The following TIMM13 variants were observed in gnomAD, a reference collection of about 807,000 sequenced individuals.
TIMM13 encodes translocase of inner mitochondrial membrane 13.
Under a neutral mutation model 10.9 loss-of-function variants are expected in TIMM13, and 8 were observed. The ratio of observed to expected loss-of-function variants is 0.73; its 90% confidence interval spans 0.43 to 1.32. The LOEUF (loss-of-function observed/expected upper bound fraction) is 1.32, where lower values mean the gene tolerates loss of function less well. TIMM13 is among the 40% of genes most tolerant of loss of function. The probability of loss-of-function intolerance (pLI) is 0.01; values close to 1 mark genes in which losing one functional copy is unlikely to be tolerated. For synonymous variants in TIMM13, 68 were observed against 52.5 expected, an observed-to-expected ratio of 1.30 and a Z score of -1.28; for missense variants, 147 against 132.8, an observed-to-expected ratio of 1.11 and a Z score of -0.53.
At position 2,426,882 on chromosome 19, in the gene TIMM13, T is replaced by A. The variant is rs996892122; in HGVS notation, c.*66A>T. On this transcript the variant is annotated 3_prime_UTR_variant, in exon 3 of 3. Transcript: ENST00000215570. ...AAGCCCCGGGCAGGCAGTACGTACA[T>A]GCGGACCCCGCCTCTCAAAGCACGT... 3.3e-6 allele frequency: 5 copies of A among 1,494,070 alleles called. No individual in the cohort carries two copies. The African/African-American group carries it at 5.6e-5, about 17-fold the overall frequency. 92.6% of individuals were successfully genotyped at this position (1,494,070 alleles called of 1,614,324 possible). A position where few individuals can be genotyped will look rare whatever the true frequency, so the allele number is the denominator to read the frequency against.
At chr19:2,427,142 G>A (rs1429788021) in intron 2 of TIMM13, 96 bp from the exon 3 acceptor site, 5 of 1,563,668 alleles carry the variant, frequency 3.2e-6, no homozygotes, top group South Asian at 1.1e-5. Context: ...TGCAGACTAC[G>A]CACGTGCAGT....
rs867323196 is a variant in TIMM13 at position 2,425,894 on chromosome 19, G to A, written c.*1054C>T. The A allele has an allele frequency of 6.4e-7, 1 of 1,558,320 alleles. No individual in the cohort carries two copies. Among genetic ancestry groups the A allele is most frequent in the Non-Finnish European group, 8.6e-7 (1 of 1,159,080 alleles). On this transcript the variant is annotated 3_prime_UTR_variant, in exon 3 of 3. Transcript: ENST00000215570. ...AAGGGCTGCTGTAGGGGAGGTACCG[G>A]CCTCTGAACCCCCTTTCTTCTCTCC... is the stretch of plus-strand genomic sequence containing the variant.
At position 2,427,542 on chromosome 19, in the gene TIMM13, A is replaced by C. The variant is rs1279688663; in HGVS notation, c.-9T>G. ...CCGAAGCCGCCCTCCATGGCTCCGCAAAGTCAACCGGACCGAGGCCGCGTG... is the reference window on the plus strand; with the variant it reads ...CCGAAGCCGCCCTCCATGGCTCCGCCAAGTCAACCGGACCGAGGCCGCGTG... On this transcript the variant is annotated 5_prime_UTR_variant, in exon 1 of 3. Coordinates refer to ENST00000215570, the MANE Select transcript of TIMM13 (RefSeq NM_012458.4). The C allele has an allele frequency of 1.9e-6, 3 of 1,597,374 alleles. No homozygotes were observed. Among genetic ancestry groups the C allele is most frequent in the Non-Finnish European group, 1.7e-6 (2 of 1,172,926 alleles).
rs1971613319 is a variant in TIMM13, at chr19:2,425,902, A to ACC, written c.*1044_*1045dup. 6.4e-7 allele frequency: 1 copy of ACC among 1,564,664 alleles called. No homozygotes were observed. The highest frequency in any genetic ancestry group is 2.1e-5 in the Admixed American group (1 of 48,070). ...CTGTAGGGGAGGTACCGGCCTCTGA[A>ACC]CCCCCTTTCTTCTCTCCCCAACAGG... On this transcript the variant is annotated 3_prime_UTR_variant, in exon 3 of 3. Coordinates refer to ENST00000215570, the MANE Select transcript of TIMM13 (RefSeq NM_012458.4).
In TIMM13 at chr19:2,425,939, G is replaced by A. The variant is rs1324063669; in HGVS notation, c.*1009C>T. On this transcript the variant is annotated 3_prime_UTR_variant, in exon 3 of 3. Transcript: ENST00000215570. Reference sequence around the variant, plus strand: ...CTCTCCCCAACAGGGTGACGCTGGGGGACCCCTGGCCTGCAGGGAGCCCTC... The same window carrying A: ...CTCTCCCCAACAGGGTGACGCTGGGAGACCCCTGGCCTGCAGGGAGCCCTC... The A allele has an allele frequency of 1.3e-6, 2 of 1,596,658 alleles. No individual in the cohort carries two copies. Among genetic ancestry groups the A allele is most frequent in the Non-Finnish European group, 1.7e-6 (2 of 1,174,480 alleles).
chr19:2,426,317 C>G lies in TIMM13; in HGVS notation c.*631G>C, dbSNP rs755071832. The G allele has an allele frequency of 6.8e-5, 35 of 517,148 alleles. No individual in the cohort carries two copies. Among genetic ancestry groups the G allele is most frequent in the Non-Finnish European group, 1.1e-4 (32 of 299,970 alleles). 32.0% of individuals were successfully genotyped at this position (517,148 alleles called of 1,614,324 possible). ...CGAGGACCACCTGCCTGGTGCTCCA[C>G]CAGGACCCGGGGTGGAACGAAGCAG... On this transcript the variant is annotated 3_prime_UTR_variant, in exon 3 of 3. Coordinates refer to ENST00000215570, the MANE Select transcript of TIMM13 (RefSeq NM_012458.4).
At position 2,427,575 on chromosome 19, in the gene TIMM13, T is replaced by C. The variant is rs1284341747; in HGVS notation, c.-42A>G. 2.6e-6 allele frequency: 4 copies of C among 1,559,286 alleles called. No individual in the cohort carries two copies. The highest frequency in any genetic ancestry group is 4.8e-5 in the East Asian group (2 of 41,864). Reference sequence around the variant, plus strand: ...CCGGACCGAGGCCGCGTGCGCCGACTCGTAACTAACTGCGCCGGAAGCGGG... The same window carrying C: ...CCGGACCGAGGCCGCGTGCGCCGACCCGTAACTAACTGCGCCGGAAGCGGG... On this transcript the variant is annotated 5_prime_UTR_variant, in exon 1 of 3. Coordinates refer to ENST00000215570, the MANE Select transcript of TIMM13 (RefSeq NM_012458.4).
Position 2,426,125 on chromosome 19 carries a change from AAGCAACAGG to A in TIMM13, c.*814_*822del. 6.6e-7 allele frequency: 1 copy of A among 1,514,232 alleles called. No individual in the cohort carries two copies. Among genetic ancestry groups the A allele is most frequent in the African/African-American group, 1.8e-5 (1 of 56,246 alleles). The allele number at this position is 1,514,232 out of a possible 1,614,324, so 93.8% of individuals were successfully genotyped here. A position where few individuals can be genotyped will look rare whatever the true frequency, so the allele number is the denominator to read the frequency against. ...CTGCCCAGGCCGAGACTCTACGTGA[AAGCAACAGG>A]AGCAGCAGGCCACCCAACACCCCAC... is the stretch of plus-strand genomic sequence containing the variant. On this transcript the variant is annotated 3_prime_UTR_variant, in exon 3 of 3. Transcript: ENST00000215570.
In TIMM13 at chr19:2,426,683, G is replaced by A. The variant is rs761593966; in HGVS notation, c.*265C>T. ...CGCCCAGAATATGAGGCTGACTTGGGCACACTAGGGGAATACCCCAAAGGC... is the reference window on the plus strand; with the variant it reads ...CGCCCAGAATATGAGGCTGACTTGGACACACTAGGGGAATACCCCAAAGGC... On this transcript the variant is annotated 3_prime_UTR_variant, in exon 3 of 3. Transcript: ENST00000215570. The A allele has an allele frequency of 4.1e-5, 23 of 554,998 alleles. No individual in the cohort carries two copies. The highest frequency in any genetic ancestry group is 1.2e-4 in the East Asian group (4 of 33,412). The allele number at this position is 554,998 out of a possible 1,614,324, so 34.4% of individuals were successfully genotyped here.
chr19:2,427,061 G>A lies in TIMM13; in HGVS notation c.190-15C>T. 1.2e-6 allele frequency: 2 copies of A among 1,606,160 alleles called. No individual in the cohort carries two copies. Among genetic ancestry groups the A allele is most frequent in the South Asian group, 1.1e-5 (1 of 90,624 alleles). On this transcript the variant is annotated splice_polypyrimidine_tract_variant and intron_variant, in intron 2 of 2. Transcript: ENST00000215570. ...GCGATGCACTTCTGCGGGAGCGGAGGGGCGCACGGCTCAGCTCGGGACTTC... is the reference window on the plus strand; with the variant it reads ...GCGATGCACTTCTGCGGGAGCGGAGAGGCGCACGGCTCAGCTCGGGACTTC...
intron 2 of TIMM13, 24 bp from the exon 3 acceptor site, chr19:2,427,070 G>A: frequency 1.2e-6 from 2 of 1,603,438 alleles, no homozygotes; most frequent in South Asian, 1.1e-5. Context: ...GGGGCGCACG[G>A]CTCAGCTCGG....
Position 2,427,036 on chromosome 19 carries a change from G to T in TIMM13, c.200C>A (p.Ala67Asp). ...GTCCATGTAGCGGTCCATGCACATG[G>T]CGATGCACTTCTGCGGGAGCGGAGG... Reference protein sequence around the residue: ...SLDNSEQKCIAMCMDRYMDAW... With the variant: ...SLDNSEQKCIDMCMDRYMDAW... The change falls in exon 3 of 3, where the codon GCC becomes GAC. Residue 67 changes from alanine (A) to aspartate (D), a missense_variant. Coordinates refer to ENST00000215570, the MANE Select transcript of TIMM13 (RefSeq NM_012458.4). 1 of 1,609,162 alleles carries T rather than the reference G, an allele frequency of 6.2e-7. No homozygotes were observed.
rs747763355 is a variant in TIMM13, at chr19:2,425,969, C to G, written c.*979G>C. 2 of 1,606,852 alleles carry G rather than the reference C, an allele frequency of 1.2e-6. No homozygotes were observed. Among genetic ancestry groups the G allele is most frequent in the South Asian group, 1.1e-5 (1 of 90,392 alleles). ...CCTGGCCTGCAGGGAGCCCTCTGGA[C>G]GGTGGGTGCTAACTGGGGTCACTAG... On this transcript the variant is annotated 3_prime_UTR_variant, in exon 3 of 3. Coordinates refer to ENST00000215570, the MANE Select transcript of TIMM13 (RefSeq NM_012458.4).
chr19:2,425,626 C>G lies in TIMM13; in HGVS notation c.*1322G>C. 7.3e-7 allele frequency: 1 copy of G among 1,372,668 alleles called. No homozygotes were observed. Among genetic ancestry groups the G allele is most frequent in the Non-Finnish European group, 9.4e-7 (1 of 1,063,858 alleles). The allele number at this position is 1,372,668 out of a possible 1,614,324, so 85.0% of individuals were successfully genotyped here. On this transcript the variant is annotated 3_prime_UTR_variant, in exon 3 of 3. Coordinates refer to ENST00000215570, the MANE Select transcript of TIMM13 (RefSeq NM_012458.4). ...TTCTCCAGCGGATCAAGCAGGGAGC[C>G]TTTTTGGCTCTGGAGGAATTTCCAC...
chr19:2,427,069 G>A (rs375034415), intron 2 of TIMM13, 23 bp from the exon 3 acceptor site: 7 of 1,603,680 alleles, frequency 4.4e-6, no homozygotes, highest in African/African-American at 1.3e-5. Context: ...AGGGGCGCAC[G>A]GCTCAGCTCG....
In TIMM13 at chr19:2,425,702, C is replaced by T. The variant is rs1246242913; in HGVS notation, c.*1246G>A. On this transcript the variant is annotated 3_prime_UTR_variant, in exon 3 of 3. Coordinates refer to ENST00000215570, the MANE Select transcript of TIMM13 (RefSeq NM_012458.4). Reference sequence around the variant, plus strand: ...ACCGCATCCCATCCCCGGGCCTCGGCGGCAGAGCAGGCAGAGGCTGCAGTG... The same window carrying T: ...ACCGCATCCCATCCCCGGGCCTCGGTGGCAGAGCAGGCAGAGGCTGCAGTG... The T allele has an allele frequency of 3.3e-6, 4 of 1,204,888 alleles. No homozygotes were observed. The highest frequency in any genetic ancestry group is 3.3e-5 in the Admixed American group (1 of 30,372). The allele number at this position is 1,204,888 out of a possible 1,614,324, so 74.6% of individuals were successfully genotyped here. A position where few individuals can be genotyped will look rare whatever the true frequency, so the allele number is the denominator to read the frequency against.
In TIMM13 at chr19:2,426,976, C is replaced by T; in HGVS notation, c.260G>A (p.Arg87Gln). 6.2e-7 allele frequency: 1 copy of T among 1,603,548 alleles called. No homozygotes were observed. Among genetic ancestry groups the T allele is most frequent in the Non-Finnish European group, 8.5e-7 (1 of 1,175,882 alleles). Reference sequence around the variant, plus strand: ...CATGTTGGCTCGTTCCCGCTGCAGCCGCGAGTTGTAGGCGCGAGACACGGT... The same window carrying T: ...CATGTTGGCTCGTTCCCGCTGCAGCTGCGAGTTGTAGGCGCGAGACACGGT... ...WNTVSRAYNS[R>Q]LQRERANM Residue 87 changes from arginine to glutamine, a missense_variant, in exon 3 of 3, where the codon CGG becomes CAG. Physicochemically the swap from Arg to Gln is conservative, Grantham distance 43. Coordinates refer to ENST00000215570, the MANE Select transcript of TIMM13 (RefSeq NM_012458.4).
Position 2,426,752 on chromosome 19 carries a change from AG to A in TIMM13, c.*195del. On this transcript the variant is annotated 3_prime_UTR_variant, in exon 3 of 3. Transcript: ENST00000215570. ...GGCTGCCAGCACTTCAGGAAGGCAC[AG>A]GGCCCCACACCCCCGAGATCCAAGC... is the stretch of plus-strand genomic sequence containing the variant. 1 of 630,858 alleles carries A rather than the reference AG, an allele frequency of 1.6e-6. No homozygotes were observed. Among genetic ancestry groups the A allele is most frequent in the South Asian group, 1.8e-5 (1 of 54,406 alleles). 39.1% of individuals were successfully genotyped at this position (630,858 alleles called of 1,614,324 possible).
At position 2,426,828 on chromosome 19, in the gene TIMM13, G is replaced by A. The variant is rs1971649537; in HGVS notation, c.*120C>T. 4.1e-6 allele frequency: 4 copies of A among 980,824 alleles called. No homozygotes were observed. The highest frequency in any genetic ancestry group is 5.8e-4 in the Middle Eastern group (2 of 3,460). The allele number at this position is 980,824 out of a possible 1,614,324, so 60.8% of individuals were successfully genotyped here. On this transcript the variant is annotated 3_prime_UTR_variant, in exon 3 of 3. Coordinates refer to ENST00000215570, the MANE Select transcript of TIMM13 (RefSeq NM_012458.4). Reference sequence around the variant, plus strand: ...CGGGGGGTGGCGAGGACACAGTCCCGTGTGTCCCAGCACCGGTGCCACCCT... The same window carrying A: ...CGGGGGGTGGCGAGGACACAGTCCCATGTGTCCCAGCACCGGTGCCACCCT...
Sources: allele counts gnomAD v4.1 joint callset, GRCh38; gene constraint gnomAD v4.1.1; transcripts MANE v1.5; gene names NCBI Gene and HGNC (gene_info 2026-07-23, HGNC 2026-07-21).